NBEA: variants seen among roughly 807,000 people sequenced by gnomAD.
NBEA encodes lysosomal-trafficking regulator 2.
NBEA carries 44 observed loss-of-function variants against 343.4 expected under a neutral mutation model. The ratio of observed to expected loss-of-function variants is 0.13; its 90% confidence interval spans 0.10 to 0.16. The LOEUF (loss-of-function observed/expected upper bound fraction) is 0.16, where lower values mean the gene tolerates loss of function less well. Among genes scored for constraint, NBEA ranks in the 10% least tolerant of loss-of-function variants. The pLI, the probability that NBEA is intolerant of heterozygous loss-of-function variation, is 1.00. For missense variants in NBEA, 2,555 were observed against 3,631.3 expected, an observed-to-expected ratio of 0.70 and a Z score of 7.62; for synonymous variants, 1,175 against 1,238.7, an observed-to-expected ratio of 0.95 and a Z score of 1.08.
At chr13:35,248,159 A>G (rs970647595) in intron 34 of NBEA, among the ~76,000 whole-genome samples, 1 of 152,230 alleles carries the variant, frequency 6.6e-6, no homozygotes, top group African/African-American at 2.4e-5. Flanking sequence ...GTACTAAAAG[A>G]CAACTATAAA....
At chr13:35,075,558 A>G (rs2064075891) in intron 10 of NBEA, among the ~76,000 whole-genome samples, 1 of 152,104 alleles carries the variant, frequency 6.6e-6, no homozygotes, top group Non-Finnish European at 1.5e-5. Flanking sequence ...AAAAGTGTTT[A>G]GAGAATCCCA....
intron 1 of NBEA, among the ~76,000 whole-genome samples, chr13:34,978,180 A>C (rs1323042282): frequency 1.3e-5 from 2 of 152,206 alleles, no homozygotes; most frequent in Non-Finnish European, 2.9e-5. Context: ...AAAAGTAAGT[A>C]TCAATGATTT....
intron 38 of NBEA, among the ~76,000 whole-genome samples, chr13:35,390,559 T>C (rs2042453090): frequency 6.6e-6 from 1 of 152,120 alleles, no homozygotes; most frequent in South Asian, 2.1e-4. Flanking sequence ...CAGGGCTAGG[T>C]AGAAGACTCA....
chr13:35,056,917 C>G (rs1345691198), intron 7 of NBEA, among the ~76,000 whole-genome samples: 1 of 152,086 alleles, frequency 6.6e-6, no homozygotes. Context: ...GCGGGAAGAT[C>G]ACTTAAATCG....
At chr13:35,028,569 G>A (rs930631918) in intron 1 of NBEA, among the ~76,000 whole-genome samples, 1 of 151,592 alleles carries the variant, frequency 6.6e-6, no homozygotes, top group Non-Finnish European at 1.5e-5. Context: ...TCTTTAGGCC[G>A]GTTCATGTCA....
At chr13:35,458,007 T>C (rs1488206620) in intron 40 of NBEA, among the ~76,000 whole-genome samples, 2 of 152,248 alleles carry the variant, frequency 1.3e-5, no homozygotes, top group Non-Finnish European at 2.9e-5. Context: ...TTCCACCTTT[T>C]CACTACTATG....
intron 45 of NBEA, among the ~76,000 whole-genome samples, chr13:35,570,346 T>A (rs1247160638): frequency 6.6e-6 from 1 of 152,234 alleles, no homozygotes; most frequent in Non-Finnish European, 1.5e-5. Context: ...TTTCAGGGTT[T>A]TTATGCTAAT....
intron 1 of NBEA, among the ~76,000 whole-genome samples, chr13:35,021,468 A>G (rs2061836319): frequency 6.6e-6 from 1 of 152,162 alleles, no homozygotes; most frequent in Admixed American, 6.5e-5. Flanking sequence ...TGTAATTATT[A>G]ATATTGCCAC....
chr13:35,124,188 A>T (rs2066946692), intron 17 of NBEA, among the ~76,000 whole-genome samples: 1 of 151,272 alleles, frequency 6.6e-6, no homozygotes, highest in Admixed American at 6.6e-5. Context: ...AAGCCAAGGA[A>T]GTAGTGCAAC....
chr13:35,275,688 G>A (rs2034531838), intron 34 of NBEA, among the ~76,000 whole-genome samples: 1 of 152,102 alleles, frequency 6.6e-6, no homozygotes, highest in African/African-American at 2.4e-5. Flanking sequence ...TCAAAAAGTG[G>A]CCAAAGGATA....
At chr13:35,081,692 A>G (rs2064409480) in intron 10 of NBEA, among the ~76,000 whole-genome samples, 1 of 152,156 alleles carries the variant, frequency 6.6e-6, no homozygotes, top group South Asian at 2.1e-4. Context: ...CAAAGAACAG[A>G]AGATTTTTTA....
chr13:35,266,475 G>A (rs988912032), intron 34 of NBEA, among the ~76,000 whole-genome samples: 3 of 151,716 alleles, frequency 2.0e-5, no homozygotes, highest in African/African-American at 4.8e-5. Flanking sequence ...AAGAAAATAC[G>A]CTATATATAC....
intron 41 of NBEA, among the ~76,000 whole-genome samples, chr13:35,493,983 A>G (rs9530628): frequency 0.59 from 89,565 of 151,586 alleles, 26,813 homozygotes; most frequent in Middle Eastern, 0.64. Context: ...TATAAATTTA[A>G]TGATTTCTTT....
chr13:35,030,513 T>C (rs960771976), intron 1 of NBEA, among the ~76,000 whole-genome samples: 3 of 151,762 alleles, frequency 2.0e-5, no homozygotes, highest in Non-Finnish European at 4.4e-5. Flanking sequence ...ACCTCACTTA[T>C]CTTCAGTTTC....
At chr13:35,494,547 A>G (rs1025620525) in intron 41 of NBEA, among the ~76,000 whole-genome samples, 2 of 152,020 alleles carry the variant, frequency 1.3e-5, no homozygotes, top group African/African-American at 4.8e-5. Context: ...CGCTAATAAA[A>G]TAACTAAATA....
At chr13:35,513,302 ATTTTTT>A (rs754363500) in intron 41 of NBEA, among the ~76,000 whole-genome samples, 34 of 72,292 alleles carry the variant, frequency 4.7e-4, no homozygotes, top group African/African-American at 1.9e-3. Context: ...ACACCTGGCA[ATTTTTT>A]TTTTTTTTTT....
chr13:35,229,988 A>G (rs1350568907), intron 33 of NBEA, among the ~76,000 whole-genome samples: 1 of 152,168 alleles, frequency 6.6e-6, no homozygotes. Flanking sequence ...GTTTATATAC[A>G]TAAAACTTCT....
At chr13:35,574,393 AAAC>A (rs2080617742) in intron 45 of NBEA, among the ~76,000 whole-genome samples, 1 of 120,642 alleles carries the variant, frequency 8.3e-6, no homozygotes, top group Non-Finnish European at 1.7e-5. Context: ...AAAAAAAGAA[AAAC>A]AAAAGAAAAA....
chr13:35,082,144 C>T (rs966233503), intron 10 of NBEA, among the ~76,000 whole-genome samples: 33 of 152,174 alleles, frequency 2.2e-4, no homozygotes, highest in South Asian at 4.2e-4. Context: ...TCATTTCCCA[C>T]CTATGAGTGA....
Sources: allele counts gnomAD v4.1 joint callset (sites outside exome capture counted in the v4.1 genomes callset), GRCh38; gene constraint gnomAD v4.1.1; transcripts MANE v1.5; gene names NCBI Gene and HGNC (gene_info 2026-07-23, HGNC 2026-07-21).